The following KRT78 variants were observed in gnomAD, a reference collection of about 807,000 sequenced individuals.
KRT78 encodes keratin 78, also known as keratin, type II cytoskeletal 78.
A neutral mutation model predicts 51.4 loss-of-function variants in KRT78; 55 were observed. The ratio of observed to expected loss-of-function variants is 1.07; its 90% CI spans 0.86 to 1.34. The LOEUF is 1.34. KRT78 is among the 40% of genes most tolerant of loss of function. The pLI is 0.00. For synonymous variants in KRT78, 291 were observed against 264.3 expected (o/e 1.10, Z -0.98); for missense variants, 652 against 649.4 (o/e 1.00, Z -0.04).
intron 6 of KRT78, 33 bp downstream of exon 6, chr12:52,844,060 T>C (rs768252565): frequency 3.1e-6 from 5 of 1,609,546 alleles, no homozygotes; most frequent in Non-Finnish European, 4.2e-6. Flanking sequence ...ACAAAGGCAA[T>C]GAGAGGACAT....
At chr12:52,842,057 G>A (rs1250576623) in intron 6 of KRT78, among the ~76,000 whole-genome samples, 2 of 152,112 alleles carry the variant, frequency 1.3e-5, no homozygotes, top group Non-Finnish European at 2.9e-5. Flanking sequence ...CAAAGCAAGG[G>A]GTCCAAATTT....
At position 52,844,688 on chromosome 12, in the gene KRT78, C is replaced by T. The variant is rs767205343; in HGVS notation, c.792G>A (p.Thr264=). 8.1e-6 allele frequency: 13 copies of T among 1,613,420 alleles called. No homozygotes were observed. The highest frequency in any genetic ancestry group is 2.7e-5 in the African/African-American group (2 of 74,908). ...LGQLQTQASD[T]SVVLSMDNNR... ...TGTTGTCCATGGACAGCACCACAGA[C>T]GTGTCGCTGGCCTGGGTCTGGAGCT... Residue 264 remains threonine, a synonymous_variant, in exon 5 of 9, where the codon ACG becomes ACA. Coordinates refer to ENST00000304620, the MANE Select transcript of KRT78 (RefSeq NM_173352.4).
Position 52,839,348 on chromosome 12 carries a change from A to G in KRT78, c.1328T>C (p.Met443Thr), listed in dbSNP as rs1476504791. 1 of 1,613,544 alleles carries G rather than the reference A, an allele frequency of 6.2e-7. No homozygotes were observed. Among genetic ancestry groups the G allele is most frequent in the African/African-American group, 1.3e-5 (1 of 74,742 alleles). The stretch of plus-strand genomic sequence containing the variant: ...CAAGCCTCCACCAACTCCTCCAGAC[A>G]TGACAGCGCTGCCTCCCACCGAGGC... Reference protein sequence around the residue: ...TISSVGGSAVMSGGVGGGLGS... With the variant: ...TISSVGGSAVTSGGVGGGLGS... The change falls in exon 9 of 9, where the codon ATG (methionine) becomes ACG (threonine). Residue 443 changes from methionine to threonine, a missense_variant. Physicochemically the swap from Met to Thr is moderately conservative, Grantham distance 81 (BLOSUM62 -1). Coordinates refer to ENST00000304620, the MANE Select transcript of KRT78 (RefSeq NM_173352.4).
chr12:52,844,725 T>C lies in KRT78; in HGVS notation c.757-2A>G, dbSNP rs1265721930. 6.2e-7 allele frequency: 1 copy of C among 1,606,256 alleles called. No homozygotes were observed. The highest frequency in any genetic ancestry group is 1.1e-5 in the South Asian group (1 of 89,942). ...CTGGGTCTGGAGCTGGCCCAGCTCC[T>C]GCAGGGAAGACAGACTCAGTGTCCA... On this transcript the variant is annotated splice_acceptor_variant, in intron 4 of 8. Transcript: ENST00000304620. LOFTEE classifies it high-confidence loss of function.
At chr12:52,845,443 G>A (rs1018308834) in intron 4 of KRT78, among the ~76,000 whole-genome samples, 6 of 152,080 alleles carry the variant, frequency 3.9e-5, no homozygotes, top group East Asian at 3.9e-4. Flanking sequence ...ACCCACCTGC[G>A]TGGTGACCTT....
chr12:52,843,008 A>AGAAAGGAGGGAG (rs1940545297), intron 6 of KRT78, among the ~76,000 whole-genome samples: 1 of 25,158 alleles, frequency 4.0e-5, no homozygotes, highest in African/African-American at 1.1e-4. Flanking sequence ...GAAGGAAGGA[A>AGAAAGGAGGGAG]GGAGGGAGGG....
rs1940409099 is a variant in KRT78 at position 52,839,007 on chromosome 12, G to C, written c.*106C>G. On this transcript the variant is annotated 3_prime_UTR_variant, in exon 9 of 9. Coordinates refer to ENST00000304620, the MANE Select transcript of KRT78 (RefSeq NM_173352.4). ...TATTGATTTTTGCAGCATCCGCTGT[G>C]GGCTGGCTTGGGCTGTGGGCAGCGG... 3.0e-6 allele frequency: 4 copies of C among 1,326,724 alleles called. No individual in the cohort carries two copies. In the South Asian group the frequency reaches 5.6e-5, roughly 19 times the overall value. The allele number at this position is 1,326,724 out of a possible 1,614,324, so 82.2% of individuals were successfully genotyped here.
chr12:52,838,993 G>T lies in KRT78; in HGVS notation c.*120C>A. ...AGGAGGGGAGACTTTATTGATTTTT[G>T]CAGCATCCGCTGTGGGCTGGCTTGG... On this transcript the variant is annotated 3_prime_UTR_variant, in exon 9 of 9. Coordinates refer to ENST00000304620, the MANE Select transcript of KRT78 (RefSeq NM_173352.4). 5 of 1,188,816 alleles carry T rather than the reference G, an allele frequency of 4.2e-6. No homozygotes were observed. The highest frequency in any genetic ancestry group is 5.8e-6 in the Non-Finnish European group (5 of 856,414). The allele number at this position is 1,188,816 out of a possible 1,614,324, so 73.6% of individuals were successfully genotyped here. A position where few individuals can be genotyped will look rare whatever the true frequency, so the allele number is the denominator to read the frequency against.
At chr12:52,846,716 C>T (rs755316910) in intron 3 of KRT78, 48 bp downstream of exon 3, 3 of 1,527,928 alleles carry the variant, frequency 2.0e-6, no homozygotes, top group Non-Finnish European at 2.7e-6. Context: ...AGGCTCCGTG[C>T]ACAGTGGATG....
At chr12:52,846,683 C>T in intron 3 of KRT78, 81 bp downstream of exon 3, 1 of 1,299,188 alleles carries the variant, frequency 7.7e-7, no homozygotes, top group Non-Finnish European at 1.1e-6. Context: ...GACCTCCCAC[C>T]TTTTCCCTCC....
At chr12:52,848,302 T>C (rs1305500665) in intron 1 of KRT78, 181 bp from the exon 2 acceptor site, 32 of 1,532,958 alleles carry the variant, frequency 2.1e-5, no homozygotes, top group Non-Finnish European at 2.6e-5. Flanking sequence ...ATGACTGGAC[T>C]GACTAATGGG....
intron 7 of KRT78, 86 bp downstream of exon 7, chr12:52,839,678 A>C: frequency 7.1e-7 from 1 of 1,405,898 alleles, no homozygotes; most frequent in Admixed American, 1.7e-5. Context: ...ATCTCTCAGA[A>C]TCCTCTTTAG....
At chr12:52,844,243 C>A in intron 5 of KRT78, 25 bp from the exon 6 acceptor site, 1 of 1,568,052 alleles carries the variant, frequency 6.4e-7, no homozygotes, top group Admixed American at 2.1e-5. Flanking sequence ...GAGGGGACAC[C>A]ATTAGTTGAG....
chr12:52,843,615 G>A (rs868855186), intron 6 of KRT78, among the ~76,000 whole-genome samples: 2 of 148,140 alleles, frequency 1.4e-5, no homozygotes, highest in Non-Finnish European at 3.0e-5. Context: ...CCTTGAACCC[G>A]GAGGCAGAGG....
chr12:52,846,676 C>T (rs1048684271), intron 3 of KRT78, 88 bp downstream of exon 3: 1 of 1,191,888 alleles, frequency 8.4e-7, no homozygotes, highest in African/African-American at 1.5e-5. Flanking sequence ...AAATCAGGAC[C>T]TCCCACCTTT....
intron 1 of KRT78, 98 bp downstream of exon 1, chr12:52,848,449 G>A (rs965987916): frequency 1.1e-5 from 17 of 1,538,176 alleles, no homozygotes; most frequent in Non-Finnish European, 1.5e-5. Context: ...TATTAGAAAA[G>A]TGGTAGAAGG....
At chr12:52,840,130 A>G (rs1246382855) in intron 6 of KRT78, 146 bp from the exon 7 acceptor site, 3 of 603,628 alleles carry the variant, frequency 5.0e-6, no homozygotes, top group Non-Finnish European at 8.8e-6. Flanking sequence ...TACCAACACC[A>G]CCCCTGCAAC....
At chr12:52,843,688 C>CAAAAAAA (rs1158055717) in intron 6 of KRT78, among the ~76,000 whole-genome samples, 1,829 of 62,900 alleles carry the variant, frequency 0.029, 52 homozygotes, top group East Asian at 0.22. Flanking sequence ...GACTCTGTCT[C>CAAAAAAA]AAAAAAAAAA....
intron 6 of KRT78, among the ~76,000 whole-genome samples, chr12:52,842,207 G>A (rs1038151873): frequency 6.6e-6 from 1 of 152,098 alleles, no homozygotes; most frequent in Non-Finnish European, 1.5e-5. Context: ...CTGCTTGGGA[G>A]TCAAGGGACC....
Sources: allele counts gnomAD v4.1 joint callset (sites outside exome capture counted in the v4.1 genomes callset), GRCh38; gene constraint gnomAD v4.1.1; transcripts MANE v1.5; gene names NCBI Gene and HGNC (gene_info 2026-07-23, HGNC 2026-07-21).